MCTP1: variants seen among roughly 807,000 people sequenced by gnomAD.
MCTP1 encodes the protein multiple C2 and transmembrane domain-containing protein 1.
Under a neutral mutation model 120.6 loss-of-function variants are expected in MCTP1, and 69 were observed. That is an observed-to-expected ratio of 0.57 (90% CI 0.47 to 0.70). The LOEUF is 0.70. Among genes scored for constraint, MCTP1 ranks in the 30% least tolerant of loss-of-function variants. The pLI is 0.00. For missense variants in MCTP1, 1,203 were observed against 1,248.8 expected, an observed-to-expected ratio of 0.96 and a Z score of 0.55; for synonymous variants, 529 against 493.1, an observed-to-expected ratio of 1.07 and a Z score of -0.96.
At chr5:94,905,736 T>C (rs1392155576) in intron 10 of MCTP1, among the ~76,000 whole-genome samples, 1 of 152,164 alleles carries the variant, frequency 6.6e-6, no homozygotes, top group African/African-American at 2.4e-5. Flanking sequence ...ATTGGAGAAA[T>C]CTATTAGACT....
At chr5:94,849,763 G>A (rs140415591) in intron 17 of MCTP1, among the ~76,000 whole-genome samples, 264 of 152,160 alleles carry the variant, frequency 1.7e-3, no homozygotes, top group South Asian at 5.8e-3. Flanking sequence ...AAATAAAGGT[G>A]CTTTTTGGTA....
intron 17 of MCTP1, among the ~76,000 whole-genome samples, chr5:94,847,067 T>C (rs1307834180): frequency 1.3e-5 from 2 of 152,264 alleles, no homozygotes; most frequent in Non-Finnish European, 2.9e-5. Context: ...CATGCTAAAA[T>C]TTGCGAACCT....
intron 19 of MCTP1, among the ~76,000 whole-genome samples, chr5:94,762,874 T>C (rs1198635283): frequency 6.6e-6 from 1 of 152,310 alleles, no homozygotes; most frequent in Non-Finnish European, 1.5e-5. Flanking sequence ...TACTGGAGCA[T>C]GGGAATGATA....
intron 17 of MCTP1, among the ~76,000 whole-genome samples, chr5:94,865,509 T>C (rs1255015915): frequency 6.6e-6 from 1 of 151,772 alleles, no homozygotes; most frequent in African/African-American, 2.4e-5. Flanking sequence ...CCATGATCCA[T>C]CAACAGGGCA....
chr5:95,266,841 AC>A (rs1402038009), intron 1 of MCTP1, among the ~76,000 whole-genome samples: 2 of 152,160 alleles, frequency 1.3e-5, no homozygotes, highest in Admixed American at 1.3e-4. Context: ...TAGAATCCAT[AC>A]CCTGAGCGTT....
chr5:94,709,521 C>T (rs1295854220), intron 21 of MCTP1: 1 of 152,058 alleles, frequency 6.6e-6, no homozygotes, highest in African/African-American at 2.4e-5. Context: ...GATGACTCCA[C>T]AAGCCAAGGC....
Position 94,871,465 on chromosome 5 carries a change from C to G in MCTP1, c.2037-48G>C. The G allele has an allele frequency of 2.3e-6, 3 of 1,320,378 alleles. No homozygotes were observed. The South Asian group carries it at 3.6e-5, about 16-fold the overall frequency. 81.8% of individuals were successfully genotyped at this position (1,320,378 alleles called of 1,614,324 possible). ...AAAAAAAGATTTCATCAGTAGGAAACAACAACAAGAATAGTTTTGAAAATT... is the reference window on the plus strand; with the variant it reads ...AAAAAAAGATTTCATCAGTAGGAAAGAACAACAAGAATAGTTTTGAAAATT... On this transcript the variant is annotated intron_variant, in intron 13 of 22. Transcript: ENST00000515393.
intron 19 of MCTP1, among the ~76,000 whole-genome samples, chr5:94,733,482 G>T (rs181103614): frequency 1.8e-4 from 28 of 152,262 alleles, no homozygotes; most frequent in African/African-American, 5.8e-4. Flanking sequence ...TAATCGCTGG[G>T]GTGTTAGGAT....
At chr5:94,781,648 C>A (rs1333919386) in intron 18 of MCTP1, among the ~76,000 whole-genome samples, 3 of 152,138 alleles carry the variant, frequency 2.0e-5, no homozygotes, top group Non-Finnish European at 4.4e-5. Context: ...TAAGATTAAG[C>A]CATAAACAAG....
intron 1 of MCTP1, among the ~76,000 whole-genome samples, chr5:95,130,627 C>T (rs1444254062): frequency 6.6e-6 from 1 of 152,114 alleles, no homozygotes; most frequent in African/African-American, 2.4e-5. Context: ...AAAGTGTTGG[C>T]AGGGTTGGTT....
chr5:95,043,872 G>A (rs1224819481), intron 1 of MCTP1, among the ~76,000 whole-genome samples: 1 of 152,206 alleles, frequency 6.6e-6, no homozygotes, highest in Non-Finnish European at 1.5e-5. Context: ...GAACCAGAGA[G>A]TATAGCTTTG....
At chr5:95,016,380 T>C (rs1581855515) in intron 2 of MCTP1, among the ~76,000 whole-genome samples, 1 of 152,138 alleles carries the variant, frequency 6.6e-6, no homozygotes, top group African/African-American at 2.4e-5. Context: ...CAGTTCCTAG[T>C]CAAACAATAC....
intron 19 of MCTP1, among the ~76,000 whole-genome samples, chr5:94,752,377 C>T (rs962703874): frequency 1.3e-5 from 2 of 151,798 alleles, no homozygotes; most frequent in Non-Finnish European, 2.9e-5. Flanking sequence ...ATCAGCTTGA[C>T]CAAATGTTCG....
chr5:94,794,055 CA>C (rs1779505449), intron 18 of MCTP1, among the ~76,000 whole-genome samples: 1 of 152,166 alleles, frequency 6.6e-6, no homozygotes, highest in African/African-American at 2.4e-5. Flanking sequence ...AGTATTTTAG[CA>C]AGGCAGACTC....
intron 19 of MCTP1, among the ~76,000 whole-genome samples, chr5:94,771,905 G>A (rs891058232): frequency 6.6e-6 from 1 of 152,156 alleles, no homozygotes; most frequent in Admixed American, 6.5e-5. Context: ...GGTGTAGGCA[G>A]GGCTGCATTT....
Position 94,909,358 on chromosome 5 carries a change from A to C in MCTP1, c.1545T>G (p.Pro515=), listed in dbSNP as rs769092996. The change falls in exon 10 of 23, where the codon CCT becomes CCG. Residue 515 remains proline, a synonymous_variant. Coordinates refer to ENST00000515393, the MANE Select transcript of MCTP1 (RefSeq NM_024717.7). ...GAAAATCAAATTGTTCCCTCCACTGAGGATTCAACGTTTTTGGCATAATCT... is the reference window on the plus strand; with the variant it reads ...GAAAATCAAATTGTTCCCTCCACTGCGGATTCAACGTTTTTGGCATAATCT... ...KSKIMPKTLN[P]QWREQFDFHL... The C allele has an allele frequency of 2.5e-6, 4 of 1,594,100 alleles. No homozygotes were observed. In the Admixed American group the frequency reaches 7.3e-5, roughly 29 times the overall value.
rs35187920 is a variant in MCTP1, at chr5:95,061,002, A to ATT, written c.721-43520_721-43519dup. Among the ~76,000 whole-genome samples the ATT allele has an allele frequency of 1.5e-3, 166 of 107,180 alleles. 1 individual carries two copies. Among genetic ancestry groups the ATT allele is most frequent in the African/African-American group, 4.9e-3 (149 of 30,666 alleles). 70.3% of individuals were successfully genotyped at this position (107,180 alleles called of 152,430 possible). On this transcript the variant is annotated intron_variant, in intron 1 of 22. Coordinates refer to ENST00000515393, the MANE Select transcript of MCTP1 (RefSeq NM_024717.7). ...ATGAAGAATCTGTCCTCAAATGTAC[A>ATT]TTTTTTTTTTTTTTTTTTGCATTCT...
intron 1 of MCTP1, among the ~76,000 whole-genome samples, chr5:95,094,966 G>T: frequency 7.4e-6 from 1 of 135,808 alleles, no homozygotes; most frequent in African/African-American, 2.8e-5. Flanking sequence ...GATTACTTCT[G>T]CCCAAGGCAA....
chr5:94,797,458 C>T (rs1024693384), intron 18 of MCTP1, among the ~76,000 whole-genome samples: 1 of 152,128 alleles, frequency 6.6e-6, no homozygotes, highest in Non-Finnish European at 1.5e-5. Context: ...TGAAAGAGTC[C>T]TATTTTCTTC....
Sources: allele counts gnomAD v4.1 joint callset (sites outside exome capture counted in the v4.1 genomes callset), GRCh38; gene constraint gnomAD v4.1.1; transcripts MANE v1.5; gene names NCBI Gene and HGNC (gene_info 2026-07-23, HGNC 2026-07-21).